PCDHGB4: variants seen among roughly 807,000 people sequenced by gnomAD.
The protein encoded by PCDHGB4 is protocadherin gamma subfamily B, 4.
In PCDHGB4, 38 loss-of-function variants were observed where a neutral mutation model predicts 60.5. The observed-to-expected ratio is 0.63, with a 90% CI of 0.48 to 0.82. The LOEUF (loss-of-function observed/expected upper bound fraction) is 0.82, where lower values mean the gene tolerates loss of function less well. Among genes scored for constraint, PCDHGB4 ranks in the 40% least tolerant of loss-of-function variants. The pLI, the probability that PCDHGB4 is intolerant of heterozygous loss-of-function variation, is 0.00. For synonymous variants in PCDHGB4, 456 were observed against 509.7 expected, an observed-to-expected ratio of 0.89 and a Z score of 1.42; for missense variants, 1,109 against 1,209.6, an observed-to-expected ratio of 0.92 and a Z score of 1.23.
At chr5:141,471,095 C>T (rs1266802067) in intron 1 of PCDHGB4, among the ~76,000 whole-genome samples, 1 of 144,764 alleles carries the variant, frequency 6.9e-6, no homozygotes, top group East Asian at 2.0e-4. Context: ...GTTGTCCAGG[C>T]TAGAGTGCAG....
intron 1 of PCDHGB4, chr5:141,430,951 C>T (rs200771871): frequency 3.2e-5 from 51 of 1,610,496 alleles, no homozygotes; most frequent in African/African-American, 1.5e-4. Context: ...AGCGCGGAGT[C>T]CGCATCATCC....
At chr5:141,416,761 C>G (rs1371541017) in intron 1 of PCDHGB4, 2 of 152,140 alleles carry the variant, frequency 1.3e-5, no homozygotes, top group Non-Finnish European at 2.9e-5. Context: ...AGGTAGATCT[C>G]TTAATTTTAT....
At chr5:141,413,626 G>T (rs757785567) in intron 1 of PCDHGB4, 24 of 1,613,680 alleles carry the variant, frequency 1.5e-5, no homozygotes, top group Non-Finnish European at 1.7e-5. Context: ...TGAAAATGTC[G>T]CTGCGGGAAT....
intron 1 of PCDHGB4, chr5:141,407,957 G>C (rs1166490050): frequency 1.5e-6 from 1 of 660,376 alleles, no homozygotes; most frequent in African/African-American, 1.8e-5. Flanking sequence ...GGCCAGTGCA[G>C]AGCAAGCGCT....
chr5:141,417,236 A>T (rs1387216221), intron 1 of PCDHGB4: 2 of 152,220 alleles, frequency 1.3e-5, no homozygotes, highest in Admixed American at 1.3e-4. Flanking sequence ...TTTGTTGCTT[A>T]TCTTCAGTAC....
chr5:141,476,665 C>T lies in PCDHGB4; in HGVS notation c.2398-18142C>T. On this transcript the variant is annotated intron_variant, in intron 1 of 3. Coordinates refer to ENST00000519479, the MANE Select transcript of PCDHGB4 (RefSeq NM_003736.4). This position sits in a 1 kb window ranked among gnomAD's most constrained non-coding sequence, Gnocchi z 7.6. ...GCCGAAATGAATACTTTGCGCTTCG[C>T]GTGCAGACGCGGGAGGACAGCACCA... 6.2e-7 allele frequency: 1 copy of T among 1,614,240 alleles called. No homozygotes were observed. Among genetic ancestry groups the T allele is most frequent in the East Asian group, 2.2e-5 (1 of 44,882 alleles).
rs746159671 is a variant in PCDHGB4, at chr5:141,399,684, G to A, written c.2397+9403G>A. The A allele has an allele frequency of 2.4e-5, 38 of 1,613,538 alleles. 1 individual carries two copies. In the South Asian group the frequency reaches 4.2e-4, roughly 18 times the overall value. On this transcript the variant is annotated intron_variant, in intron 1 of 3. Transcript: ENST00000519479. ...TCGCGCAGCGCGCCTTTGACTACGAGCAGCTGCGCACCTTCGAACTCACAC... is the reference window on the plus strand; with the variant it reads ...TCGCGCAGCGCGCCTTTGACTACGAACAGCTGCGCACCTTCGAACTCACAC...
chr5:141,476,055 GT>G lies in PCDHGB4; in HGVS notation c.2398-18749del. 6.7e-7 allele frequency: 1 copy of G among 1,503,516 alleles called. No homozygotes were observed. Among genetic ancestry groups the G allele is most frequent in the South Asian group, 1.3e-5 (1 of 75,386 alleles). The allele number at this position is 1,503,516 out of a possible 1,614,324, so 93.1% of individuals were successfully genotyped here. ...GCGCCCAAGCGCTAACCCGCTGAAA[GT>G]TTCTCAGCGAAATCTCAGGGACGAT... On this transcript the variant is annotated intron_variant, in intron 1 of 3. Transcript: ENST00000519479. The surrounding 1 kb of genome is among the most constrained non-coding windows in gnomAD (Gnocchi z 7.6).
intron 1 of PCDHGB4, chr5:141,428,048 G>A: frequency 6.2e-7 from 1 of 1,608,900 alleles, no homozygotes; most frequent in Admixed American, 1.7e-5. Context: ...TGGTGACCAA[G>A]GTGGTGGCGG....
intron 1 of PCDHGB4, chr5:141,413,223 G>C (rs1454395834): frequency 6.2e-7 from 1 of 1,613,694 alleles, no homozygotes; most frequent in African/African-American, 1.3e-5. Flanking sequence ...ATTGCAGCGG[G>C]CTGGTCCTGC....
chr5:141,465,759 A>G (rs2099108647), intron 1 of PCDHGB4, among the ~76,000 whole-genome samples: 2 of 151,280 alleles, frequency 1.3e-5, no homozygotes, highest in South Asian at 4.2e-4. Context: ...TGGTAAAGTC[A>G]TGTTTCATCT....
At position 141,486,881 on chromosome 5, in the gene PCDHGB4, G is replaced by T. The variant is rs114512641; in HGVS notation, c.2398-7926G>T. The T allele has an allele frequency of 1.3e-5, 21 of 1,614,090 alleles. No homozygotes were observed. The East Asian group carries it at 4.7e-4, about 36-fold the overall frequency. ...TGCTCCAGCTGTGCTCCGTCCTCGG[G>T]CCCGGCCTGGTTCCTTATGTCCCCA... is the stretch of plus-strand genomic sequence containing the variant. On this transcript the variant is annotated intron_variant, in intron 1 of 3. Coordinates refer to ENST00000519479, the MANE Select transcript of PCDHGB4 (RefSeq NM_003736.4). This position sits in a 1 kb window ranked among gnomAD's most constrained non-coding sequence, Gnocchi z 5.0.
At chr5:141,475,145 C>T (rs1214674720) in intron 1 of PCDHGB4, among the ~76,000 whole-genome samples, 2 of 151,980 alleles carry the variant, frequency 1.3e-5, no homozygotes, top group Non-Finnish European at 1.5e-5. Flanking sequence ...AAATCTTCTC[C>T]GTCTTCTTCT....
chr5:141,422,453 G>A, intron 1 of PCDHGB4: 3 of 1,611,704 alleles, frequency 1.9e-6, no homozygotes, highest in Non-Finnish European at 2.5e-6. Context: ...ATAACAAGCA[G>A]AGTGCTGGAC....
In PCDHGB4 at chr5:141,389,137, T is replaced by C; in HGVS notation, c.1253T>C (p.Ile418Thr). The C allele has an allele frequency of 6.2e-7, 1 of 1,614,020 alleles. No individual in the cohort carries two copies. ...LDREQNPEYN[I>T]TVTATDRGKP... is the part of the protein sequence containing the mutation. ...CGCGAGCAGAATCCAGAGTACAATA[T>C]AACCGTTACGGCAACAGATCGGGGC... is the stretch of plus-strand genomic sequence containing the variant. Residue 418 changes from isoleucine (I) to threonine (T), a missense_variant, in exon 1 of 4, where the codon ATA becomes ACA. By Grantham distance (89) the Ile-to-Thr change is moderately conservative. Around this residue, in one of 2 missense-constraint regions of PCDHGB4, gnomAD observed 1,068 missense variants for 1,089.9 expected, o/e 0.98. Coordinates refer to ENST00000519479, the MANE Select transcript of PCDHGB4 (RefSeq NM_003736.4).
At chr5:141,414,930 C>A (rs561548499) in intron 1 of PCDHGB4, 1 of 1,614,156 alleles carries the variant, frequency 6.2e-7, no homozygotes, top group South Asian at 1.1e-5. Flanking sequence ...CGCCCCGCTC[C>A]GCAGAGCCCG....
intron 1 of PCDHGB4, chr5:141,419,616 A>G (rs1291494618): frequency 6.2e-7 from 1 of 1,612,086 alleles, no homozygotes; most frequent in African/African-American, 1.3e-5. Flanking sequence ...CAGCCAGGCT[A>G]CCTGGTGACC....
intron 1 of PCDHGB4, among the ~76,000 whole-genome samples, chr5:141,461,644 A>C (rs1266858748): frequency 1.3e-5 from 2 of 151,868 alleles, no homozygotes; most frequent in Non-Finnish European, 2.9e-5. Flanking sequence ...TTCTTCTTTG[A>C]CCCATGGATT....
At chr5:141,390,515 C>T (rs1325813784) in intron 1 of PCDHGB4, 1 of 575,082 alleles carries the variant, frequency 1.7e-6, no homozygotes, top group Middle Eastern at 4.7e-4. Flanking sequence ...ATTTATAAAG[C>T]AATGAGGGTG....
Sources: gnomAD v4.1 joint callset for allele counts (sites outside exome capture counted in the v4.1 genomes callset) on GRCh38, gnomAD v4.1.1 for gene constraint, gnomAD v4.1.1 regional missense constraint, Gnocchi (gnomAD v3.1) non-coding constraint, MANE v1.5 for transcripts, NCBI Gene and HGNC (gene_info 2026-07-23, HGNC 2026-07-21) for gene names.